Variants in TIPIN observed in about 807,000 individuals in gnomAD.
TIPIN encodes the protein TIMELESS-interacting protein.
In TIPIN, 29 loss-of-function variants were observed where a neutral mutation model predicts 35.6. That is an observed-to-expected ratio of 0.82 (90% CI 0.61 to 1.11). The LOEUF is 1.11. TIPIN is among the 50% of genes most tolerant of loss of function. The pLI, the probability that TIPIN is intolerant of heterozygous loss-of-function variation, is 0.00. For synonymous variants in TIPIN, 102 were observed against 121.5 expected, an observed-to-expected ratio of 0.84 and a Z score of 1.06; for missense variants, 296 against 345.4, an observed-to-expected ratio of 0.86 and a Z score of 1.13.
intron 4 of TIPIN, among the ~76,000 whole-genome samples, chr15:66,349,965 T>G (rs554695217): frequency 1.8e-4 from 27 of 151,830 alleles, no homozygotes; most frequent in Non-Finnish European, 3.5e-4. Flanking sequence ...TTTTTTTGGT[T>G]TTTTTGGTTT....
At position 66,356,660 on chromosome 15, in the gene TIPIN, A is replaced by G. The variant is rs2093206137; in HGVS notation, c.-30T>C. ...TCACCTCACGCAGAAAACACGGGAC[A>G]CAGCGCGGACCTCGGCGTGCAGACT... On this transcript the variant is annotated 5_prime_UTR_variant, in exon 1 of 8. Coordinates refer to ENST00000261881, the MANE Select transcript of TIPIN (RefSeq NM_017858.3). The G allele has an allele frequency of 6.1e-6, 6 of 985,764 alleles. No individual in the cohort carries two copies. Among genetic ancestry groups the G allele is most frequent in the Non-Finnish European group, 6.0e-6 (5 of 830,200 alleles). The allele number at this position is 985,764 out of a possible 1,614,324, so 61.1% of individuals were successfully genotyped here. A position where few individuals can be genotyped will look rare whatever the true frequency, so the allele number is the denominator to read the frequency against.
intron 1 of TIPIN, among the ~76,000 whole-genome samples, chr15:66,370,891 C>T (rs960784613): frequency 1.3e-5 from 2 of 152,108 alleles, no homozygotes; most frequent in African/African-American, 2.4e-5. Context: ...CCTATAATAT[C>T]AACTGCACGT....
At chr15:66,370,742 G>A (rs1337329063) in intron 1 of TIPIN, among the ~76,000 whole-genome samples, 8 of 152,084 alleles carry the variant, frequency 5.3e-5, no homozygotes, top group Non-Finnish European at 1.0e-4. Context: ...TGTGCAATGA[G>A]CAAGTTTTTT....
chr15:66,352,495 C>T (rs1177800434), intron 2 of TIPIN, among the ~76,000 whole-genome samples: 3 of 151,982 alleles, frequency 2.0e-5, no homozygotes, highest in East Asian at 1.9e-4. Flanking sequence ...GTTGAGGTCT[C>T]GCCAGGCTGG....
At chr15:66,358,560 C>G (rs2093217333), upstream of TIPIN, among the ~76,000 whole-genome samples, 1 of 151,856 alleles carries the variant, frequency 6.6e-6, no homozygotes, top group Non-Finnish European at 1.5e-5. Context: ...ACTACAGGCT[C>G]GCACCACCAC....
chr15:66,338,467 T>C (rs1467359421), intron 7 of TIPIN, among the ~76,000 whole-genome samples: 1 of 152,140 alleles, frequency 6.6e-6, no homozygotes, highest in Non-Finnish European at 1.5e-5. Flanking sequence ...TCAAGAATAA[T>C]GCTATCTTCA....
chr15:66,386,265 C>A (rs2093338078), intron 1 of TIPIN, among the ~76,000 whole-genome samples: 1 of 150,938 alleles, frequency 6.6e-6, no homozygotes, highest in Non-Finnish European at 1.5e-5. Flanking sequence ...ACACTCCAGG[C>A]TGGGCAACTG....
intron 4 of TIPIN, 54 bp downstream of exon 4, chr15:66,351,471 C>T (rs764860336): frequency 2.2e-6 from 3 of 1,338,746 alleles, no homozygotes; most frequent in Non-Finnish European, 3.2e-6. Context: ...AATGGGTCCA[C>T]ATTTTTATTG....
At chr15:66,369,110 C>T (rs987159574) in intron 1 of TIPIN, among the ~76,000 whole-genome samples, 2 of 152,070 alleles carry the variant, frequency 1.3e-5, no homozygotes, top group African/African-American at 4.8e-5. Flanking sequence ...AGTCTAGGAT[C>T]CAGTTACAAA....
At chr15:66,376,669 C>G (rs1251023422) in intron 1 of TIPIN, among the ~76,000 whole-genome samples, 1 of 151,278 alleles carries the variant, frequency 6.6e-6, no homozygotes, top group Non-Finnish European at 1.5e-5. Flanking sequence ...CCTCAAGTGA[C>G]CCCCCCACTC....
At chr15:66,351,692 C>A in intron 3 of TIPIN, 92 bp from the exon 4 acceptor site, 1 of 1,063,616 alleles carries the variant, frequency 9.4e-7, no homozygotes, top group South Asian at 1.5e-5. Context: ...GGCTGGGATG[C>A]GGTGGCGCGA....
In TIPIN at chr15:66,336,584, C is replaced by T. The variant is rs1447787251; in HGVS notation, c.*374G>A. ...AAACAAAACAAAACAAAACAAAAAA[C>T]TTCAACTAGACTACTCTGGGCACAC... On this transcript the variant is annotated 3_prime_UTR_variant, in exon 8 of 8. Transcript: ENST00000261881. The T allele has an allele frequency of 5.5e-6, 1 of 182,440 alleles. No homozygotes were observed. The highest frequency in any genetic ancestry group is 1.4e-4 in the East Asian group (1 of 7,304). The allele number at this position is 182,440 out of a possible 1,614,324, so 11.3% of individuals were successfully genotyped here.
At position 66,352,884 on chromosome 15, in the gene TIPIN, T is replaced by TTTCATC. The variant is rs1243605408; in HGVS notation, c.58_63dup (p.Asp20_Glu21dup). 1.2e-6 allele frequency: 2 copies of TTTCATC among 1,614,060 alleles called. No individual in the cohort carries two copies. Among genetic ancestry groups the TTTCATC allele is most frequent in the South Asian group, 2.2e-5 (2 of 91,074 alleles). On this transcript the variant is annotated inframe_insertion, in exon 2 of 8. Transcript: ENST00000261881. ...GCTGGAGGTGGGAAAGGAGGAAAAG[T>TTTCATC]TTCATCTTCTACATGCTCATAATCT... is the stretch of plus-strand genomic sequence containing the variant.
At chr15:66,343,807 G>A (rs1203848166) in intron 6 of TIPIN, among the ~76,000 whole-genome samples, 2 of 151,974 alleles carry the variant, frequency 1.3e-5, no homozygotes, top group African/African-American at 2.4e-5. Flanking sequence ...AAGACCAGTC[G>A]GACCAACATG....
intron 1 of TIPIN, among the ~76,000 whole-genome samples, chr15:66,373,954 C>A (rs1024751211): frequency 2.0e-5 from 3 of 152,132 alleles, no homozygotes; most frequent in African/African-American, 4.8e-5. Context: ...CCTTTTGACT[C>A]GCCTTCCCAA....
upstream of TIPIN, among the ~76,000 whole-genome samples, chr15:66,358,291 C>T (rs1248329085): frequency 2.0e-5 from 3 of 151,932 alleles, no homozygotes; most frequent in Non-Finnish European, 2.9e-5. Context: ...TTTGAACATA[C>T]AAATGTATTA....
chr15:66,370,971 G>A (rs998970940), intron 1 of TIPIN, among the ~76,000 whole-genome samples: 2 of 152,168 alleles, frequency 1.3e-5, no homozygotes, highest in Non-Finnish European at 2.9e-5. Context: ...AGCACTTTGG[G>A]AGGCCAAGGC....
chr15:66,386,051 G>A (rs1446175398), intron 1 of TIPIN, among the ~76,000 whole-genome samples: 5 of 152,206 alleles, frequency 3.3e-5, no homozygotes, highest in South Asian at 2.1e-4. Context: ...TTACAGGCGT[G>A]AGCCACCGCT....
intron 1 of TIPIN, among the ~76,000 whole-genome samples, chr15:66,381,226 A>G (rs2098481573): frequency 6.6e-6 from 1 of 152,164 alleles, no homozygotes; most frequent in Non-Finnish European, 1.5e-5. Flanking sequence ...ACCTGAGGTC[A>G]GGAGTTCAAG....
Sources: allele counts gnomAD v4.1 joint callset (sites outside exome capture counted in the v4.1 genomes callset), GRCh38; gene constraint gnomAD v4.1.1; transcripts MANE v1.5; gene names NCBI Gene and HGNC (gene_info 2026-07-23, HGNC 2026-07-21).